STXBP5L: variants seen among roughly 807,000 people sequenced by gnomAD.
The protein encoded by STXBP5L is syntaxin binding protein 5L.
A neutral mutation model predicts 144.5 loss-of-function variants in STXBP5L; 65 were observed. The observed-to-expected ratio is 0.45, with a 90% CI of 0.37 to 0.55. The LOEUF (loss-of-function observed/expected upper bound fraction) is 0.55, where lower values mean the gene tolerates loss of function less well. Ranked by LOEUF, STXBP5L falls within the 20% of genes least tolerant of loss-of-function variation. The pLI, the probability that STXBP5L is intolerant of heterozygous loss-of-function variation, is 0.00. For synonymous variants in STXBP5L, 505 were observed against 469.6 expected, an observed-to-expected ratio of 1.08 and a Z score of -0.97; for missense variants, 1,298 against 1,405.5, an observed-to-expected ratio of 0.92 and a Z score of 1.22.
intron 3 of STXBP5L, among the ~76,000 whole-genome samples, chr3:120,997,631 T>C (rs543604505): frequency 6.6e-6 from 1 of 152,288 alleles, no homozygotes; most frequent in Admixed American, 6.5e-5. Context: ...GTTGTTTGTT[T>C]TTTGCTTTTT....
At chr3:121,107,419 C>T (rs958176565) in intron 5 of STXBP5L, among the ~76,000 whole-genome samples, 2 of 152,084 alleles carry the variant, frequency 1.3e-5, no homozygotes, top group South Asian at 4.1e-4. Context: ...GATCCAGTTT[C>T]AATTTTCTGA....
rs117306157 is a variant in STXBP5L at position 121,019,310 on chromosome 3, A to T, written c.288-22390A>T. Among the ~76,000 whole-genome samples, 129 of 152,256 alleles carry T rather than the reference A, an allele frequency of 8.5e-4. 2 individuals carry two copies. The highest frequency in any genetic ancestry group is 8.3e-3 in the East Asian group (43 of 5,166). ...TACCTACCCTAATTGAAGACAAACG[A>T]CATAATGCCTTGGGAGCTGTATTGG... On this transcript the variant is annotated intron_variant, in intron 3 of 26. Transcript: ENST00000471454.
intron 20 of STXBP5L, among the ~76,000 whole-genome samples, chr3:121,356,624 A>C (rs2045524051): frequency 6.6e-6 from 1 of 152,172 alleles, no homozygotes; most frequent in African/African-American, 2.4e-5. Flanking sequence ...GGAAAGGGAA[A>C]TCCCCAACCC....
At chr3:121,166,259 G>T (rs1480897674) in intron 9 of STXBP5L, among the ~76,000 whole-genome samples, 1 of 152,046 alleles carries the variant, frequency 6.6e-6, no homozygotes, top group Non-Finnish European at 1.5e-5. Flanking sequence ...TTCAACCTCA[G>T]CCTCCCAAAG....
At chr3:121,331,067 T>C (rs1411327851) in intron 20 of STXBP5L, among the ~76,000 whole-genome samples, 1 of 152,160 alleles carries the variant, frequency 6.6e-6, no homozygotes, top group Non-Finnish European at 1.5e-5. Flanking sequence ...GCATTCACAG[T>C]AGTCTGGCCT....
chr3:121,052,817 C>A (rs1420847118), intron 5 of STXBP5L, among the ~76,000 whole-genome samples: 1 of 152,130 alleles, frequency 6.6e-6, no homozygotes, highest in Non-Finnish European at 1.5e-5. Flanking sequence ...TCCCTGTTTG[C>A]AGATGACATG....
At chr3:121,415,074 G>T (rs2047201530) in intron 24 of STXBP5L, among the ~76,000 whole-genome samples, 1 of 152,114 alleles carries the variant, frequency 6.6e-6, no homozygotes, top group South Asian at 2.1e-4. Context: ...AAAGGGAGAT[G>T]ATGCAATTAA....
intron 22 of STXBP5L, among the ~76,000 whole-genome samples, chr3:121,393,104 T>G (rs529527049): frequency 5.5e-4 from 83 of 152,134 alleles, no homozygotes; most frequent in Middle Eastern, 3.4e-3. Context: ...TTTTTTTATT[T>G]TTTATTAATA....
chr3:121,216,352 C>T (rs1205695089), intron 10 of STXBP5L, among the ~76,000 whole-genome samples: 3 of 152,172 alleles, frequency 2.0e-5, no homozygotes, highest in South Asian at 2.1e-4. Context: ...TGGTGACCTT[C>T]GGATGGGGTT....
intron 5 of STXBP5L, 65 bp downstream of exon 5, chr3:121,045,600 G>T: frequency 6.9e-7 from 1 of 1,445,576 alleles, no homozygotes; most frequent in Admixed American, 1.9e-5. Flanking sequence ...GCAAGTTTTT[G>T]TTAACTTGAC....
In STXBP5L at chr3:121,215,391, A is replaced by T. The variant is rs2048739303; in HGVS notation, c.957-7612A>T. Among the ~76,000 whole-genome samples, 4 of 152,204 alleles carry T rather than the reference A, an allele frequency of 2.6e-5. No homozygotes were observed. In the South Asian group the frequency reaches 8.3e-4, roughly 32 times the overall value. On this transcript the variant is annotated intron_variant, in intron 10 of 26. Transcript: ENST00000471454. ...CTTTCATCAGGAGCTCTTGTAAGGC[A>T]GGCCTTGTGGTGGCAAAATCTCTCA...
At chr3:121,140,408 G>A (rs2107936660) in intron 7 of STXBP5L, among the ~76,000 whole-genome samples, 1 of 152,196 alleles carries the variant, frequency 6.6e-6, no homozygotes, top group African/African-American at 2.4e-5. Flanking sequence ...ATGAATTGCA[G>A]TCAATATATC....
chr3:120,969,627 T>A (rs1045890841), intron 3 of STXBP5L, among the ~76,000 whole-genome samples: 1 of 151,988 alleles, frequency 6.6e-6, no homozygotes, highest in African/African-American at 2.4e-5. Flanking sequence ...TAAGTCAATG[T>A]CTTGAGGAGT....
chr3:120,957,724 C>A (rs1358258773), intron 3 of STXBP5L, among the ~76,000 whole-genome samples: 2 of 151,864 alleles, frequency 1.3e-5, no homozygotes, highest in African/African-American at 2.4e-5. Context: ...AACAAAGATA[C>A]AACATACCAG....
chr3:121,334,330 G>T (rs1045775046), intron 20 of STXBP5L, among the ~76,000 whole-genome samples: 1 of 152,080 alleles, frequency 6.6e-6, no homozygotes, highest in Non-Finnish European at 1.5e-5. Flanking sequence ...AAGAAGAAAT[G>T]TATCATTCCA....
intron 4 of STXBP5L, among the ~76,000 whole-genome samples, chr3:121,044,924 T>A (rs1947406494): frequency 6.6e-6 from 1 of 152,142 alleles, no homozygotes; most frequent in South Asian, 2.1e-4. Context: ...ATGAAGCTTC[T>A]TGGACTATAA....
At chr3:121,356,713 C>G (rs1204006523) in intron 20 of STXBP5L, among the ~76,000 whole-genome samples, 2 of 152,190 alleles carry the variant, frequency 1.3e-5, no homozygotes, top group African/African-American at 4.8e-5. Flanking sequence ...TCCAACCACT[C>G]CCAGTGAGAT....
intron 8 of STXBP5L, among the ~76,000 whole-genome samples, chr3:121,153,890 T>C (rs891188498): frequency 4.7e-4 from 71 of 152,012 alleles, no homozygotes; most frequent in Non-Finnish European, 2.1e-4. Flanking sequence ...TTCCTTTTGT[T>C]ATACAAATCA....
chr3:121,026,297 C>A (rs988913854), intron 3 of STXBP5L, among the ~76,000 whole-genome samples: 2 of 151,786 alleles, frequency 1.3e-5, no homozygotes, highest in African/African-American at 2.4e-5. Context: ...GGATTATTGC[C>A]TGGTTAAATC....
Sources: allele counts gnomAD v4.1 joint callset (sites outside exome capture counted in the v4.1 genomes callset), GRCh38; gene constraint gnomAD v4.1.1; transcripts MANE v1.5; gene names NCBI Gene and HGNC (gene_info 2026-07-23, HGNC 2026-07-21).